The following CELF2 variants were observed in gnomAD, a reference collection of about 807,000 sequenced individuals.
CELF2 encodes CUGBP Elav-like family member 2.
CELF2 carries 8 observed loss-of-function variants against 62.6 expected under a neutral mutation model. That is an observed-to-expected ratio of 0.13 (90% CI 0.07 to 0.23). CELF2 has a LOEUF of 0.23. Among genes scored for constraint, CELF2 ranks in the 10% least tolerant of loss-of-function variants. CELF2 has a pLI of 1.00. For missense variants in CELF2, 333 were observed against 671.0 expected, an observed-to-expected ratio of 0.50 and a Z score of 5.56; for synonymous variants, 258 against 250.0, an observed-to-expected ratio of 1.03 and a Z score of -0.30.
intron 1 of CELF2, among the ~76,000 whole-genome samples, chr10:11,081,782 T>A (rs571834855): frequency 4.1e-4 from 63 of 152,330 alleles, no homozygotes; most frequent in Middle Eastern, 3.4e-3. Context: ...TTCTAGTGTG[T>A]ATCAGCTGGG....
At chr10:11,122,560 T>C (rs1047848546) in intron 1 of CELF2, among the ~76,000 whole-genome samples, 2 of 152,328 alleles carry the variant, frequency 1.3e-5, no homozygotes, top group Middle Eastern at 3.4e-3. Flanking sequence ...CTTGAGGAAG[T>C]AAGCCCTTCA....
chr10:10,671,840 C>T, the CELF2 span, among the ~76,000 whole-genome samples: 1 of 152,036 alleles, frequency 6.6e-6, no homozygotes, highest in Non-Finnish European at 1.5e-5. Context: ...AGTGATTCTC[C>T]CACCTCAGCC....
chr10:10,471,748 G>T, the CELF2 span, among the ~76,000 whole-genome samples: 1 of 151,672 alleles, frequency 6.6e-6, no homozygotes, highest in Non-Finnish European at 1.5e-5. Flanking sequence ...TATAAAAGAT[G>T]TTTATGTACA....
chr10:10,598,751 C>CTTTTCTTTTT, the CELF2 span, among the ~76,000 whole-genome samples: 1 of 69,586 alleles, frequency 1.4e-5, no homozygotes, highest in Non-Finnish European at 3.0e-5. Context: ...CTTTTTCTTT[C>CTTTTCTTTTT]TTTTTTTTTT....
At chr10:10,631,790 A>C in the CELF2 span, among the ~76,000 whole-genome samples, 4 of 152,158 alleles carry the variant, frequency 2.6e-5, no homozygotes, top group Non-Finnish European at 5.9e-5. Context: ...AGGTTCTAAA[A>C]AATGTAAGAT....
intron 1 of CELF2, among the ~76,000 whole-genome samples, chr10:10,830,910 C>T (rs919731550): frequency 2.0e-5 from 3 of 152,106 alleles, no homozygotes; most frequent in African/African-American, 7.2e-5. Context: ...GACTTTTTGT[C>T]CAATGCGTTA....
chr10:11,273,895 T>C (rs2084894059), intron 7 of CELF2, among the ~76,000 whole-genome samples: 1 of 151,812 alleles, frequency 6.6e-6, no homozygotes, highest in African/African-American at 2.4e-5. Context: ...CTAATTTTTG[T>C]AATTTAACTA....
intron 2 of CELF2, among the ~76,000 whole-genome samples, chr10:10,952,947 A>G (rs2048483714): frequency 6.6e-6 from 1 of 152,202 alleles, no homozygotes; most frequent in Non-Finnish European, 1.5e-5. Context: ...GTTTGCTTGT[A>G]GTAAAAGATG....
the CELF2 span, among the ~76,000 whole-genome samples, chr10:10,550,429 G>T: frequency 6.6e-6 from 1 of 152,150 alleles, no homozygotes; most frequent in South Asian, 2.1e-4. Flanking sequence ...ACTGTCTAGT[G>T]TGCATAGAAG....
rs2049029500 is a variant in CELF2 at position 10,957,500 on chromosome 10, C to T, written c.89+37501C>T. Among the ~76,000 whole-genome samples, 1 of 152,138 alleles carries T rather than the reference C, an allele frequency of 6.6e-6. No homozygotes were observed. The highest frequency in any genetic ancestry group is 1.5e-5 in the Non-Finnish European group (1 of 68,034). ...TTAACCAGGATCTACTTTAAACAACCGTCAGACCACCAGGCATTTGTTCCA... is the reference window on the plus strand; with the variant it reads ...TTAACCAGGATCTACTTTAAACAACTGTCAGACCACCAGGCATTTGTTCCA... On this transcript the variant is annotated intron_variant, in intron 2 of 13. Transcript: ENST00000636488. This position sits in a 1 kb window ranked among gnomAD's most constrained non-coding sequence, Gnocchi z 4.1.
chr10:10,750,946 C>G, the CELF2 span, among the ~76,000 whole-genome samples: 10 of 152,208 alleles, frequency 6.6e-5, no homozygotes, highest in Non-Finnish European at 1.5e-4. Context: ...TCTATGAAAT[C>G]CAAATCCCTT....
chr10:10,885,159 C>T (rs1487075276), intron 1 of CELF2, among the ~76,000 whole-genome samples: 1 of 151,784 alleles, frequency 6.6e-6, no homozygotes, highest in African/African-American at 2.4e-5. Flanking sequence ...AGGAGAATCG[C>T]TTGAACACGG....
the CELF2 span, among the ~76,000 whole-genome samples, chr10:10,702,449 G>A: frequency 6.6e-6 from 1 of 152,166 alleles, no homozygotes; most frequent in African/African-American, 2.4e-5. Context: ...CTGTAGTTGT[G>A]TCAACGTTTG....
intron 1 of CELF2, among the ~76,000 whole-genome samples, chr10:10,878,758 C>A (rs574202461): frequency 6.6e-6 from 1 of 151,866 alleles, no homozygotes; most frequent in Non-Finnish European, 1.5e-5. Context: ...TTGTTTACGA[C>A]GAAAACATGA....
At chr10:10,878,556 C>A (rs2061253964) in intron 1 of CELF2, among the ~76,000 whole-genome samples, 1 of 152,158 alleles carries the variant, frequency 6.6e-6, no homozygotes, top group Admixed American at 6.5e-5. Context: ...CTCATACACA[C>A]ACGTCCAAGT....
chr10:10,895,284 C>T (rs915128550), intron 1 of CELF2, among the ~76,000 whole-genome samples: 41 of 152,176 alleles, frequency 2.7e-4, no homozygotes, highest in South Asian at 1.0e-3. Flanking sequence ...TGTTATCCAC[C>T]CTATACATTT....
At chr10:10,686,698 C>T in the CELF2 span, among the ~76,000 whole-genome samples, 71 of 152,240 alleles carry the variant, frequency 4.7e-4, no homozygotes, top group Non-Finnish European at 5.6e-4. Flanking sequence ...TTTCACCTTC[C>T]GCCATGATCG....
chr10:10,689,398 G>C, the CELF2 span, among the ~76,000 whole-genome samples: 1 of 152,090 alleles, frequency 6.6e-6, no homozygotes, highest in South Asian at 2.1e-4. Context: ...ACCTCCACCA[G>C]GTCCCTCCCC....
chr10:11,114,863 A>T (rs1407711134), intron 1 of CELF2, among the ~76,000 whole-genome samples: 4 of 152,228 alleles, frequency 2.6e-5, no homozygotes, highest in Non-Finnish European at 4.4e-5. Flanking sequence ...ATACAACTAA[A>T]ACATCACAAT....
Sources: allele counts gnomAD v4.1 joint callset (sites outside exome capture counted in the v4.1 genomes callset), GRCh38; gene constraint gnomAD v4.1.1; non-coding constraint Gnocchi (gnomAD v3.1); transcripts MANE v1.5; gene names NCBI Gene and HGNC (gene_info 2026-07-23, HGNC 2026-07-21).